The following IFNAR2 variants were observed in gnomAD, a reference collection of about 807,000 sequenced individuals.
The protein encoded by IFNAR2 is interferon alpha/beta receptor 2.
In IFNAR2, 30 loss-of-function variants were observed where a neutral mutation model predicts 49.4. The observed-to-expected ratio is 0.61, with a 90% CI of 0.45 to 0.82. IFNAR2 has a LOEUF of 0.82. IFNAR2 is among the 40% of genes least tolerant of loss of function. The probability of loss-of-function intolerance (pLI) is 0.00; values close to 1 mark genes in which losing one functional copy is unlikely to be tolerated. For synonymous variants in IFNAR2, 224 were observed against 234.5 expected (o/e 0.96, Z 0.41); for missense variants, 600 against 622.7 (o/e 0.96, Z 0.39).
chr21:33,236,243 C>T (rs994894406), intron 1 of IFNAR2, among the ~76,000 whole-genome samples: 2 of 152,130 alleles, frequency 1.3e-5, no homozygotes, highest in Non-Finnish European at 2.9e-5. Flanking sequence ...ACACAGGTCC[C>T]TGGGGCCCCT....
intron 1 of IFNAR2, chr21:33,234,842 G>A (rs1986328642): frequency 1.5e-6 from 1 of 648,478 alleles, no homozygotes. Flanking sequence ...TTAAGTGAAA[G>A]CAAGTTTATT....
At chr21:33,239,090 A>G (rs994472938) in intron 1 of IFNAR2, among the ~76,000 whole-genome samples, 2 of 152,178 alleles carry the variant, frequency 1.3e-5, no homozygotes, top group African/African-American at 4.8e-5. Flanking sequence ...TCAGTGTGAC[A>G]GTTTCTATCC....
intron 4 of IFNAR2, among the ~76,000 whole-genome samples, chr21:33,246,113 A>C (rs1208725193): frequency 2.0e-5 from 3 of 148,822 alleles, no homozygotes; most frequent in African/African-American, 7.5e-5. Flanking sequence ...CTGTGTCACC[A>C]AGGCTGGAGT....
chr21:33,254,499 C>A (rs1231685922), intron 7 of IFNAR2, among the ~76,000 whole-genome samples: 1 of 152,150 alleles, frequency 6.6e-6, no homozygotes, highest in African/African-American at 2.4e-5. Flanking sequence ...TCCAGGTGTT[C>A]TTCCTGATCC....
In IFNAR2 at chr21:33,263,256, T is replaced by C. The variant is rs1241672936; in HGVS notation, c.1304T>C (p.Leu435Pro). ...TTAAACTCTGTGTTTTTGAGAGTTC[T>C]TGATGACGAGGACAGTGACGACTTA... The part of the protein sequence containing the change: ...VDLNSVFLRV[L>P]DDEDSDDLEA... Residue 435 changes from leucine to proline, a missense_variant, in exon 9 of 9, where the codon CTT becomes CCT. Transcript: ENST00000342136. 2 of 1,614,114 alleles carry C rather than the reference T, an allele frequency of 1.2e-6. No individual in the cohort carries two copies. Among genetic ancestry groups the C allele is most frequent in the Admixed American group, 1.7e-5 (1 of 60,016 alleles).
In IFNAR2 at chr21:33,234,183, C is replaced by CTGTGTGTGTGTGTGTGTG. The variant is rs61686449; in HGVS notation, c.-84+3991_-84+4008dup. On this transcript the variant is annotated intron_variant, in intron 1 of 8. Coordinates refer to ENST00000342136, the MANE Select transcript of IFNAR2 (RefSeq NM_001289125.3). ...TCCCAAGTAACATTAAACAGAAACA[C>CTGTGTGTGTGTGTGTGTG]TGTGTGTGTGTGTGTGTGTGTGTGT... Among the ~76,000 whole-genome samples the CTGTGTGTGTGTGTGTGTG allele has an allele frequency of 2.2e-3, 304 of 140,782 alleles. 1 individual carries two copies. Among genetic ancestry groups the CTGTGTGTGTGTGTGTGTG allele is most frequent in the East Asian group, 0.015 (72 of 4,864 alleles). The allele number at this position is 140,782 out of a possible 152,430, so 92.4% of individuals were successfully genotyped here.
intron 1 of IFNAR2, chr21:33,236,813 C>T (rs1986498289): frequency 1.0e-6 from 1 of 982,862 alleles, no homozygotes. Flanking sequence ...AACCTCAAGC[C>T]AAGTGTAGGA....
chr21:33,249,670 T>A (rs1383839066), intron 6 of IFNAR2, among the ~76,000 whole-genome samples: 1 of 152,158 alleles, frequency 6.6e-6, no homozygotes, highest in African/African-American at 2.4e-5. Flanking sequence ...GCCCTCCAAA[T>A]GCTGGAATAA....
At chr21:33,251,447 G>A in intron 6 of IFNAR2, 1 of 521,278 alleles carries the variant, frequency 1.9e-6, no homozygotes, top group Non-Finnish European at 2.5e-6. Flanking sequence ...AGAGTGGGAG[G>A]AGAAAAATTG....
intron 4 of IFNAR2, among the ~76,000 whole-genome samples, chr21:33,246,014 G>A (rs1987369546): frequency 6.6e-6 from 1 of 151,752 alleles, no homozygotes; most frequent in Admixed American, 6.6e-5. Context: ...GAGGAAGGGA[G>A]ATCTGAGGCT....
chr21:33,246,968 T>C, intron 5 of IFNAR2, 78 bp downstream of exon 5: 4 of 1,283,038 alleles, frequency 3.1e-6, no homozygotes, highest in Non-Finnish European at 4.4e-6. Flanking sequence ...AAATAGGAGG[T>C]CTACAAAGGT....
At chr21:33,244,889 AC>A in intron 3 of IFNAR2, 61 bp from the exon 4 acceptor site, 4 of 1,565,890 alleles carry the variant, frequency 2.6e-6, no homozygotes, top group Non-Finnish European at 3.5e-6. Context: ...AAATGACTGA[AC>A]AGTGGCCAGA....
rs2229207 is a variant in IFNAR2 at position 33,241,945 on chromosome 21, T to C, written c.23T>C (p.Phe8Ser). The C allele has an allele frequency of 0.083, 134,141 of 1,608,462 alleles. 6,307 individuals are homozygous for C. Among genetic ancestry groups the C allele is most frequent in the East Asian group, 0.15 (6,641 of 44,642 alleles). MLLSQNA[F>S]IFRSLNLVLM... ...AAGATGCTTTTGAGCCAGAATGCCT[T>C]CATCTTCAGATCACTTAATTTGGTT... Residue 8 changes from phenylalanine (F) to serine (S), a missense_variant, in exon 2 of 9, where the codon TTC (phenylalanine) becomes TCC (serine). Transcript: ENST00000342136.
intron 7 of IFNAR2, among the ~76,000 whole-genome samples, chr21:33,259,267 C>T (rs150159684): frequency 4.6e-5 from 7 of 152,210 alleles, no homozygotes; most frequent in African/African-American, 1.2e-4. Context: ...TAGTTAACAG[C>T]AGTAACATTC....
chr21:33,234,790 T>C, intron 1 of IFNAR2: 22 of 975,338 alleles, frequency 2.3e-5, no homozygotes, highest in Non-Finnish European at 2.7e-5. Flanking sequence ...ACATGAGTTG[T>C]TGGCTTCGCA....
rs1986710718 is a variant in IFNAR2 at position 33,239,085 on chromosome 21, GTGACAGTTTC to G, written c.-83-2753_-83-2744del. On this transcript the variant is annotated intron_variant, in intron 1 of 8. Transcript: ENST00000342136. The stretch of plus-strand genomic sequence containing the variant: ...TGGTATAGCCCCGCGGGTGGTCAGT[GTGACAGTTTC>G]TATCCAAATTACAGATGCATAGTTT... 2.0e-5 allele frequency among the ~76,000 whole-genome samples: 3 copies of G among 152,292 alleles called. No homozygotes were observed. In the South Asian group the frequency reaches 6.2e-4, roughly 32 times the overall value.
intron 6 of IFNAR2, among the ~76,000 whole-genome samples, chr21:33,249,343 C>CAAAAAAAAA (rs58744346): frequency 9.3e-6 from 1 of 107,210 alleles, no homozygotes; most frequent in Non-Finnish European, 1.9e-5. Context: ...GACTCCGTCT[C>CAAAAAAAAA]AAAAAAAAAA....
chr21:33,242,085 A>G (rs1986982885), intron 2 of IFNAR2, 108 bp downstream of exon 2: 1 of 946,458 alleles, frequency 1.1e-6, no homozygotes, highest in Non-Finnish European at 1.6e-6. Flanking sequence ...TAGAGGACCC[A>G]GTACCACCCT....
In IFNAR2 at chr21:33,230,658, G is replaced by C; in HGVS notation, c.-84+442G>C. On this transcript the variant is annotated intron_variant, in intron 1 of 8. Transcript: ENST00000342136. The surrounding 1 kb of genome is among the most constrained non-coding windows in gnomAD (Gnocchi z 5.5). ...TGCTCAGGTTCGGGATCTCCAGCCC[G>C]CCCCCTTGAGGTCCCCTGGGATTAG... 4.3e-6 allele frequency: 2 copies of C among 461,960 alleles called. No homozygotes were observed. Among genetic ancestry groups the C allele is most frequent in the Non-Finnish European group, 9.0e-6 (2 of 222,504 alleles). 28.6% of individuals were successfully genotyped at this position (461,960 alleles called of 1,614,324 possible).
Sources: gnomAD v4.1 joint callset for allele counts (sites outside exome capture counted in the v4.1 genomes callset) on GRCh38, gnomAD v4.1.1 for gene constraint, Gnocchi (gnomAD v3.1) non-coding constraint, MANE v1.5 for transcripts, NCBI Gene and HGNC (gene_info 2026-07-23, HGNC 2026-07-21) for gene names.